DLGAP2: variants seen among roughly 807,000 people sequenced by gnomAD.
DLGAP2 encodes the protein DLG associated protein 2.
DLGAP2 carries 26 observed loss-of-function variants against 100.3 expected under a neutral mutation model. The observed-to-expected ratio is 0.26, with a 90% CI of 0.19 to 0.36. The LOEUF (loss-of-function observed/expected upper bound fraction) is 0.36, where lower values mean the gene tolerates loss of function less well. Among genes scored for constraint, DLGAP2 ranks in the 10% least tolerant of loss-of-function variants. DLGAP2 has a pLI of 1.00. For synonymous variants in DLGAP2, 886 were observed against 630.1 expected (o/e 1.41, Z -6.08); for missense variants, 1,858 against 1,453.2 (o/e 1.28, Z -4.53).
intron 3 of DLGAP2, among the ~76,000 whole-genome samples, chr8:1,472,411 A>G (rs1372405028): frequency 1.3e-5 from 2 of 152,056 alleles, no homozygotes; most frequent in African/African-American, 4.8e-5. Flanking sequence ...GGTGATTTTC[A>G]TTTTGTTTTT....
chr8:1,105,233 CT>C (rs950044138), intron 2 of DLGAP2, among the ~76,000 whole-genome samples: 6 of 152,194 alleles, frequency 3.9e-5, no homozygotes, highest in African/African-American at 1.4e-4. Context: ...AGAAAAAGTT[CT>C]TAAAAATTAC....
chr8:866,465 A>G lies in DLGAP2; in HGVS notation c.19-41447A>G, dbSNP rs1180321425. 3.3e-5 allele frequency among the ~76,000 whole-genome samples: 5 copies of G among 152,108 alleles called. No individual in the cohort carries two copies. The East Asian group carries it at 5.8e-4, about 18-fold the overall frequency. On this transcript the variant is annotated intron_variant, in intron 1 of 14. Transcript: ENST00000637795. ...GCCTGTCTTCCAGTGCTTTCATTTC[A>G]GTTCCCGTCTGCATAGGGTAGCTGA...
intron 2 of DLGAP2, among the ~76,000 whole-genome samples, chr8:1,088,064 T>C (rs1022177612): frequency 6.6e-6 from 1 of 152,242 alleles, no homozygotes; most frequent in Non-Finnish European, 1.5e-5. Flanking sequence ...ACTGCCAAAA[T>C]GGATTTCTCC....
intron 3 of DLGAP2, among the ~76,000 whole-genome samples, chr8:1,436,875 T>C (rs1797647794): frequency 6.6e-6 from 1 of 152,234 alleles, no homozygotes; most frequent in Admixed American, 6.5e-5. Context: ...AGCTTTTCTA[T>C]GTGGAGACAT....
At chr8:767,810 G>A (rs1405368069) in intron 1 of DLGAP2, among the ~76,000 whole-genome samples, 1 of 152,198 alleles carries the variant, frequency 6.6e-6, no homozygotes, top group Admixed American at 6.5e-5. Context: ...AAGTGGTTTA[G>A]AATTAGCAAC....
chr8:1,620,154 G>A (rs759826742), intron 6 of DLGAP2, among the ~76,000 whole-genome samples: 5 of 151,946 alleles, frequency 3.3e-5, no homozygotes, highest in East Asian at 1.9e-4. Context: ...TTACCTTAAC[G>A]TCTGCGATCT....
intron 1 of DLGAP2, among the ~76,000 whole-genome samples, chr8:807,971 C>G (rs987860875): frequency 6.6e-6 from 1 of 152,172 alleles, no homozygotes; most frequent in African/African-American, 2.4e-5. Context: ...AGGCCACTTT[C>G]TAAGCAAGTC....
intron 2 of DLGAP2, among the ~76,000 whole-genome samples, chr8:1,073,042 T>TCACAATCATTATAGCACCGTGCTTTA: frequency 6.6e-6 from 1 of 152,222 alleles, no homozygotes; most frequent in South Asian, 2.1e-4. Context: ...TCTTATGTTG[T>TCACAATCATTATAGCACCGTGCTTTA]CACAATCATT....
chr8:1,043,975 A>C (rs1802446554), intron 2 of DLGAP2, among the ~76,000 whole-genome samples: 1 of 152,046 alleles, frequency 6.6e-6, no homozygotes, highest in South Asian at 2.1e-4. Context: ...GAGACTTTGC[A>C]TCACCTCTGA....
chr8:996,575 C>A (rs1184014048), intron 2 of DLGAP2, among the ~76,000 whole-genome samples: 1 of 152,188 alleles, frequency 6.6e-6, no homozygotes, highest in African/African-American at 2.4e-5. Context: ...GTTCTCAGTT[C>A]TCTCATGATG....
At chr8:986,807 C>A (rs1800500716) in intron 2 of DLGAP2, among the ~76,000 whole-genome samples, 1 of 152,144 alleles carries the variant, frequency 6.6e-6, no homozygotes, top group South Asian at 2.1e-4. Flanking sequence ...TTATAGGCAC[C>A]TGCCACCATG....
At chr8:1,076,316 C>T (rs758098640) in intron 2 of DLGAP2, among the ~76,000 whole-genome samples, 1 of 152,264 alleles carries the variant, frequency 6.6e-6, no homozygotes, top group East Asian at 1.9e-4. Flanking sequence ...TCACACGGCA[C>T]TGACACAGAC....
intron 3 of DLGAP2, among the ~76,000 whole-genome samples, chr8:1,305,563 A>G: frequency 6.6e-6 from 1 of 152,202 alleles, no homozygotes; most frequent in East Asian, 1.9e-4. Flanking sequence ...CTTCACCCAA[A>G]TTGAAACTCA....
At chr8:845,424 A>G (rs1204560473) in intron 1 of DLGAP2, among the ~76,000 whole-genome samples, 1 of 152,168 alleles carries the variant, frequency 6.6e-6, no homozygotes, top group African/African-American at 2.4e-5. Flanking sequence ...ATGATGTTGA[A>G]CATCTTTCCA....
At chr8:1,387,599 C>T (rs566506634) in intron 3 of DLGAP2, among the ~76,000 whole-genome samples, 51 of 152,168 alleles carry the variant, frequency 3.4e-4, no homozygotes, top group Non-Finnish European at 6.5e-4. Flanking sequence ...TGGTGAATTT[C>T]GTGTATGTTC....
intron 3 of DLGAP2, among the ~76,000 whole-genome samples, chr8:1,345,096 A>G (rs559161341): frequency 1.3e-5 from 2 of 150,956 alleles, no homozygotes; most frequent in Admixed American, 1.3e-4. Flanking sequence ...CTCGGGAACA[A>G]TTAGCTTAGC....
At chr8:1,313,127 G>A (rs1262158069) in intron 3 of DLGAP2, among the ~76,000 whole-genome samples, 3 of 152,196 alleles carry the variant, frequency 2.0e-5, no homozygotes, top group South Asian at 2.1e-4. Flanking sequence ...CCTTTGGGGG[G>A]TGACATTTAC....
At chr8:1,298,193 C>T (rs373775090) in intron 3 of DLGAP2, among the ~76,000 whole-genome samples, 2 of 152,140 alleles carry the variant, frequency 1.3e-5, no homozygotes, top group Admixed American at 1.3e-4. Context: ...CGTGCATGAA[C>T]GGACACCACG....
intron 3 of DLGAP2, among the ~76,000 whole-genome samples, chr8:1,312,757 C>A (rs999974755): frequency 1.3e-5 from 2 of 152,088 alleles, no homozygotes; most frequent in African/African-American, 2.4e-5. Flanking sequence ...GGAATTCATC[C>A]CATAGAAGTG....
Sources: allele counts gnomAD v4.1 joint callset (sites outside exome capture counted in the v4.1 genomes callset), GRCh38; gene constraint gnomAD v4.1.1; transcripts MANE v1.5; gene names NCBI Gene and HGNC (gene_info 2026-07-23, HGNC 2026-07-21).